The following SETD1B variants were observed in gnomAD, a reference collection of about 807,000 sequenced individuals.
SETD1B encodes histone-lysine N-methyltransferase SETD1B.
A neutral mutation model predicts 148.0 loss-of-function variants in SETD1B; 7 were observed. The ratio of observed to expected loss-of-function variants is 0.05; its 90% CI spans 0.03 to 0.09. The LOEUF (loss-of-function observed/expected upper bound fraction) is 0.09, where lower values mean the gene tolerates loss of function less well. Among genes scored for constraint, SETD1B ranks in the 10% least tolerant of loss-of-function variants. The pLI, the probability that SETD1B is intolerant of heterozygous loss-of-function variation, is 1.00. For synonymous variants in SETD1B, 1,361 were observed against 1,186.5 expected, an observed-to-expected ratio of 1.15 and a Z score of -3.02; for missense variants, 2,155 against 2,729.9, an observed-to-expected ratio of 0.79 and a Z score of 4.69.
chr12:121,824,641 T>C (rs1050802710), intron 12 of SETD1B, among the ~76,000 whole-genome samples: 2 of 150,720 alleles, frequency 1.3e-5, no homozygotes, highest in Admixed American at 1.3e-4. Context: ...AACAAGACTC[T>C]GTCTCAAAAA....
chr12:121,823,481 G>A lies in SETD1B; in HGVS notation c.4902G>A (p.Glu1634=). 6.4e-7 allele frequency: 1 copy of A among 1,550,532 alleles called. No homozygotes were observed. The highest frequency in any genetic ancestry group is 8.7e-7 in the Non-Finnish European group (1 of 1,146,890). Residue 1634 remains glutamate, a synonymous_variant, in exon 12 of 17, where the codon GAG becomes GAA. Coordinates refer to ENST00000604567, the MANE Select transcript of SETD1B (RefSeq NM_001353345.2). ...GRDEVTEEYM[E]LAKSRGPWRR... is the part of the protein sequence containing the mutation. ...ATGAGGTCACTGAGGAATACATGGA[G>A]TTGGCCAAGAGCCGGGGGCCGTGGC...
chr12:121,793,612 C>T, the SETD1B span: 2 of 1,548,578 alleles, frequency 1.3e-6, no homozygotes, highest in Non-Finnish European at 1.7e-6. Flanking sequence ...GCGGTCTGGG[C>T]CAGGGCCCCG....
intron 4 of SETD1B, among the ~76,000 whole-genome samples, chr12:121,807,167 G>A (rs573808170): frequency 1.3e-5 from 2 of 152,162 alleles, no homozygotes; most frequent in Non-Finnish European, 2.9e-5. Context: ...CTAAGCCGGT[G>A]CCGGGGGGTG....
the SETD1B span, chr12:121,797,233 C>T: frequency 2.0e-5 from 7 of 358,064 alleles, no homozygotes; most frequent in East Asian, 7.4e-5. Flanking sequence ...GGGCTCCGGG[C>T]GGAGAGGCCG....
the SETD1B span, chr12:121,794,397 T>G: frequency 7.9e-5 from 12 of 152,114 alleles, no homozygotes; most frequent in Non-Finnish European, 5.9e-5. Flanking sequence ...CCGAAACCAC[T>G]AGGGGCGGCC....
At position 121,830,312 on chromosome 12, in the gene SETD1B, G is replaced by A. The variant is rs927891585; in HGVS notation, c.*73G>A. 4.1e-5 allele frequency: 59 copies of A among 1,447,048 alleles called. No homozygotes were observed. Among genetic ancestry groups the A allele is most frequent in the Middle Eastern group, 2.4e-4 (1 of 4,092 alleles). 89.6% of individuals were successfully genotyped at this position (1,447,048 alleles called of 1,614,324 possible). A position where few individuals can be genotyped will look rare whatever the true frequency, so the allele number is the denominator to read the frequency against. On this transcript the variant is annotated 3_prime_UTR_variant, in exon 17 of 17. Transcript: ENST00000604567. The surrounding 1 kb of genome is among the most constrained non-coding windows in gnomAD (Gnocchi z 5.7). Reference sequence around the variant, plus strand: ...CGAGCGTGGAGCCCCTGGCCCCGGGGCCCGGCCCCCCGCGCCCGCCCCCAT... The same window carrying A: ...CGAGCGTGGAGCCCCTGGCCCCGGGACCCGGCCCCCCGCGCCCGCCCCCAT...
intron 13 of SETD1B, 144 bp from the exon 14 acceptor site, chr12:121,827,375 G>A: frequency 1.0e-6 from 1 of 964,776 alleles, no homozygotes; most frequent in South Asian, 1.9e-5. Context: ...AGGCAGGGAA[G>A]CGGTGACAAT....
the SETD1B span, among the ~76,000 whole-genome samples, chr12:121,792,093 C>T: frequency 3.3e-5 from 5 of 152,084 alleles, no homozygotes; most frequent in Non-Finnish European, 5.9e-5. Flanking sequence ...CTGCTGAAGT[C>T]GGAATGGAGG....
the SETD1B span, among the ~76,000 whole-genome samples, chr12:121,790,470 G>A: frequency 2.6e-5 from 4 of 152,248 alleles, no homozygotes; most frequent in African/African-American, 7.2e-5. Flanking sequence ...CCTGCAGGCC[G>A]AGATGAATCA....
In SETD1B at chr12:121,809,761, C is replaced by G. The variant is rs1238607633; in HGVS notation, c.816C>G (p.Gly272=). ...RLDTPNSYGQ[G]TPLTPRLGTP... is the part of the protein sequence containing the mutation. ...ACACACCCAACTCCTATGGACAGGG[C>G]ACCCCGCTCACACCGCGCCTGGGCA... is the stretch of plus-strand genomic sequence containing the variant. Residue 272 remains glycine (G), a synonymous_variant, in exon 6 of 17, where the codon GGC becomes GGG. Coordinates refer to ENST00000604567, the MANE Select transcript of SETD1B (RefSeq NM_001353345.2). The G allele has an allele frequency of 3.2e-6, 5 of 1,551,448 alleles. No homozygotes were observed. The highest frequency in any genetic ancestry group is 4.4e-6 in the Non-Finnish European group (5 of 1,146,992).
upstream of SETD1B, chr12:121,799,421 C>T (rs1028443406): frequency 1.3e-5 from 2 of 152,222 alleles, no homozygotes; most frequent in African/African-American, 2.4e-5. Context: ...CTCTAGCAGC[C>T]AGACATCAGA....
chr12:121,800,988 G>A (rs1156962964), upstream of SETD1B: 1 of 152,156 alleles, frequency 6.6e-6, no homozygotes, highest in Non-Finnish European at 1.5e-5. Flanking sequence ...GCCCGGCCCA[G>A]CCGCGACGGG....
Position 121,810,369 on chromosome 12 carries a change from A to T in SETD1B, c.1424A>T (p.Glu475Val), listed in dbSNP as rs1265176464. ...CGGCCCACCTTCGGCTGGAGTCCTG[A>T]GCCCTGTGACAGCCCTGGCACGCCC... Reference protein sequence around the residue: ...GGRPTFGWSPEPCDSPGTPTL... With the variant: ...GGRPTFGWSPVPCDSPGTPTL... The change falls in exon 6 of 17, where the codon GAG becomes GTG. Residue 475 changes from glutamate (E) to valine (V), a missense_variant. Coordinates refer to ENST00000604567, the MANE Select transcript of SETD1B (RefSeq NM_001353345.2). The surrounding 1 kb of genome is among the most constrained non-coding windows in gnomAD (Gnocchi z 7.6). 2 of 1,547,768 alleles carry T rather than the reference A, an allele frequency of 1.3e-6. No individual in the cohort carries two copies. The highest frequency in any genetic ancestry group is 3.9e-5 in the Admixed American group (2 of 50,988).
chr12:121,814,852 C>T lies in SETD1B; in HGVS notation c.2637C>T (p.Asp879=). 4 of 1,551,656 alleles carry T rather than the reference C, an allele frequency of 2.6e-6. No individual in the cohort carries two copies. The highest frequency in any genetic ancestry group is 3.5e-6 in the Non-Finnish European group (4 of 1,146,996). ...LKELKAIMKR[D]LNRKMVEVVA... ...AACTCAAGGCCATCATGAAGCGTGA[C>T]CTGAACCGCAAGATGGTGGAAGTGG... is the stretch of plus-strand genomic sequence containing the variant. Residue 879 remains aspartate (D), a synonymous_variant, in exon 7 of 17, where the codon GAC becomes GAT. Coordinates refer to ENST00000604567, the MANE Select transcript of SETD1B (RefSeq NM_001353345.2).
intron 4 of SETD1B, among the ~76,000 whole-genome samples, chr12:121,807,838 C>T (rs1486716228): frequency 6.6e-6 from 1 of 151,902 alleles, no homozygotes; most frequent in Admixed American, 6.6e-5. Flanking sequence ...TTACTGCAAG[C>T]CCCTGGGTAT....
intron 12 of SETD1B, 124 bp from the exon 13 acceptor site, chr12:121,825,076 G>A (rs1250162593): frequency 1.0e-6 from 1 of 991,716 alleles, no homozygotes; most frequent in Non-Finnish European, 1.5e-6. Flanking sequence ...AGGTGGCATG[G>A]GAGTGGGCAG....
chr12:121,806,325 G>C (rs1875739101), intron 4 of SETD1B, among the ~76,000 whole-genome samples: 2 of 151,892 alleles, frequency 1.3e-5, no homozygotes, highest in Middle Eastern at 3.2e-3. Flanking sequence ...GCCGGTCCTT[G>C]GCCACCGCAC....
the SETD1B span, chr12:121,793,112 G>T: frequency 6.6e-7 from 1 of 1,515,866 alleles, no homozygotes; most frequent in Non-Finnish European, 8.9e-7. Flanking sequence ...CCCTTCGGGC[G>T]GGCGGACCCT....
rs543934117 is a variant in SETD1B at position 121,822,944 on chromosome 12, C to G, written c.4365C>G (p.Arg1455=). Residue 1455 remains arginine, a synonymous_variant, in exon 12 of 17, where the codon CGC becomes CGG. Transcript: ENST00000604567. The part of the protein sequence containing the change: ...LPVCPLPTGR[R]DERSGPLASP... ...TCTGCCCACTCCCCACTGGCCGACG[C>G]GATGAACGCTCCGGGCCCCTGGCCT... The G allele has an allele frequency of 2.0e-6, 3 of 1,537,614 alleles. No individual in the cohort carries two copies. The highest frequency in any genetic ancestry group is 1.2e-5 in the South Asian group (1 of 82,408).
Sources: allele counts gnomAD v4.1 joint callset (sites outside exome capture counted in the v4.1 genomes callset), GRCh38; gene constraint gnomAD v4.1.1; non-coding constraint Gnocchi (gnomAD v3.1); transcripts MANE v1.5; gene names NCBI Gene and HGNC (gene_info 2026-07-23, HGNC 2026-07-21).